C1orf159: variants seen among roughly 807,000 people sequenced by gnomAD.
C1orf159 encodes the protein uncharacterized protein C1orf159.
C1orf159 carries 19 observed loss-of-function variants against 25.6 expected under a neutral mutation model. That is an observed-to-expected ratio of 0.74 (90% CI 0.52 to 1.09). The LOEUF is 1.09. C1orf159 is among the 50% of genes least tolerant of loss of function. The pLI, the probability that C1orf159 is intolerant of heterozygous loss-of-function variation, is 0.00. For synonymous variants in C1orf159, 139 were observed against 124.7 expected (o/e 1.12, Z -0.77); for missense variants, 274 against 290.6 (o/e 0.94, Z 0.42).
Position 1,082,631 on chromosome 1 carries a change from C to G in C1orf159, c.*262G>C, listed in dbSNP as rs1024500453. ...TGTTTCCTGGGGGGGCCCGGACCCC[C>G]CAAGGCCTCGATCTGAAGCTCTGAG... On this transcript the variant is annotated 3_prime_UTR_variant, in exon 10 of 10. Transcript: ENST00000421241. 2.1e-5 allele frequency: 11 copies of G among 517,502 alleles called. No homozygotes were observed. The Admixed American group carries it at 2.7e-4, about 13-fold the overall frequency. 32.1% of individuals were successfully genotyped at this position (517,502 alleles called of 1,614,324 possible). A position where few individuals can be genotyped will look rare whatever the true frequency, so the allele number is the denominator to read the frequency against.
rs1407745972 is a variant in C1orf159 at position 1,089,522 on chromosome 1, C to A, written c.148+831G>T. Among the ~76,000 whole-genome samples the A allele has an allele frequency of 2.0e-5, 3 of 152,140 alleles. No individual in the cohort carries two copies. Among genetic ancestry groups the A allele is most frequent in the Non-Finnish European group, 4.4e-5 (3 of 68,002 alleles). On this transcript the variant is annotated intron_variant, in intron 4 of 9. Transcript: ENST00000421241. This position sits in a 1 kb window ranked among gnomAD's most constrained non-coding sequence, Gnocchi z 7.5. ...GTCATCACTGCCTTCCTGTGGGCTC[C>A]CCAACCCCCACGCCCAGCCTCGGAC...
At chr1:1,108,646 A>G (rs1441229216) in intron 1 of C1orf159, among the ~76,000 whole-genome samples, 11 of 98,680 alleles carry the variant, frequency 1.1e-4, no homozygotes, top group African/African-American at 4.3e-4. Flanking sequence ...CGTCCACCAC[A>G]GCCACCATGT....
Position 1,091,024 on chromosome 1 carries a change from G to A in C1orf159, c.72+448C>T, listed in dbSNP as rs143405715. 392 of 1,466,496 alleles carry A rather than the reference G, an allele frequency of 2.7e-4. 2 individuals are homozygous for A. Among genetic ancestry groups the A allele is most frequent in the African/African-American group, 2.1e-3 (151 of 71,548 alleles). The allele number at this position is 1,466,496 out of a possible 1,614,324, so 90.8% of individuals were successfully genotyped here. ...GGTGAGGGCGTCCAGGGGTGACTGC[G>A]GAGTGCGGGATAGAATCCACACCGC... On this transcript the variant is annotated intron_variant, in intron 3 of 9. Coordinates refer to ENST00000421241, the MANE Select transcript of C1orf159 (RefSeq NM_017891.5).
intron 9 of C1orf159, chr1:1,083,632 TAGTC>T: frequency 2.1e-6 from 1 of 475,984 alleles, no homozygotes; most frequent in East Asian, 4.0e-5. Flanking sequence ...AACTCTAGGA[TAGTC>T]AGATTAAAGG....
chr1:1,112,771 A>G (rs1298215402), intron 1 of C1orf159, among the ~76,000 whole-genome samples: 1 of 152,276 alleles, frequency 6.6e-6, no homozygotes, highest in Non-Finnish European at 1.5e-5. Flanking sequence ...CTGCCAGGCT[A>G]TAAAACCCCA....
At chr1:1,102,625 A>T (rs978378228) in intron 1 of C1orf159, among the ~76,000 whole-genome samples, 20 of 138,404 alleles carry the variant, frequency 1.4e-4, no homozygotes, top group South Asian at 1.2e-3. Context: ...AAAAAAAAAA[A>T]AAAAAAAAAA....
At position 1,116,051 on chromosome 1, in the gene C1orf159, C is replaced by T. The variant is rs937777704; in HGVS notation, c.-136+9G>A. 1 of 152,222 alleles carries T rather than the reference C, an allele frequency of 6.6e-6. No homozygotes were observed. The highest frequency in any genetic ancestry group is 6.5e-5 in the Admixed American group (1 of 15,278). The allele number at this position is 152,222 out of a possible 1,614,324, so 9.4% of individuals were successfully genotyped here. ...CTACCCTCACGCCTGCCCCCAGCCC[C>T]TCACTCACCCCGGCGCCCTCCGGGT... On this transcript the variant is annotated intron_variant, in intron 1 of 9. Transcript: ENST00000421241. This position sits in a 1 kb window ranked among gnomAD's most constrained non-coding sequence, Gnocchi z 4.8.
intron 1 of C1orf159, among the ~76,000 whole-genome samples, chr1:1,111,872 A>G (rs1033473406): frequency 1.3e-5 from 2 of 152,230 alleles, no homozygotes; most frequent in Admixed American, 6.5e-5. Context: ...TAAGGGCCCA[A>G]TAAGAACTGT....
chr1:1,090,695 G>C (rs947531055), intron 3 of C1orf159: 3 of 709,480 alleles, frequency 4.2e-6, no homozygotes, highest in Non-Finnish European at 7.3e-6. Context: ...ACCCCCAGGA[G>C]GCGGCACCCG....
In C1orf159 at chr1:1,084,397, G is replaced by C; in HGVS notation, c.472-14C>G. The C allele has an allele frequency of 6.3e-7, 1 of 1,580,766 alleles. No homozygotes were observed. The highest frequency in any genetic ancestry group is 8.6e-7 in the Non-Finnish European group (1 of 1,163,012). On this transcript the variant is annotated splice_polypyrimidine_tract_variant and intron_variant, in intron 8 of 9. Transcript: ENST00000421241. ...GATCATTGCAGCCTTGAAAAGGAGA[G>C]AAAGGCAGAGTGAGGACTCGGGATG... is the stretch of plus-strand genomic sequence containing the variant.
At chr1:1,105,595 G>C (rs1420929364) in intron 1 of C1orf159, among the ~76,000 whole-genome samples, 1 of 152,128 alleles carries the variant, frequency 6.6e-6, no homozygotes, top group Non-Finnish European at 1.5e-5. Flanking sequence ...AAAATAATAA[G>C]TGTGGACCAC....
Position 1,083,197 on chromosome 1 carries a change from C to T in C1orf159, c.503-210G>A, listed in dbSNP as rs1005032996. On this transcript the variant is annotated intron_variant, in intron 9 of 9. Transcript: ENST00000421241. ...GGGAAAGGGACGGCTTCCTCCTGCCCGGCTGTGTCCTCTCATTTACACCCT... is the reference window on the plus strand; with the variant it reads ...GGGAAAGGGACGGCTTCCTCCTGCCTGGCTGTGTCCTCTCATTTACACCCT... 2.0e-4 allele frequency: 108 copies of T among 538,260 alleles called. 1 individual carries two copies. Among genetic ancestry groups the T allele is most frequent in the Admixed American group, 7.1e-5 (2 of 28,360 alleles). 33.3% of individuals were successfully genotyped at this position (538,260 alleles called of 1,614,324 possible).
chr1:1,115,505 T>TGCCCCGAGAACCCCCTCCCC (rs1646323711), intron 1 of C1orf159, among the ~76,000 whole-genome samples: 2 of 5,134 alleles, frequency 3.9e-4, no homozygotes, highest in African/African-American at 8.6e-4. Context: ...ACCCCCTCCC[T>TGCCCCGAGAACCCCCTCCCC]GCCCCGAGAA....
intron 3 of C1orf159, 47 bp downstream of exon 3, chr1:1,091,425 C>T: frequency 6.6e-7 from 1 of 1,510,442 alleles, no homozygotes; most frequent in Non-Finnish European, 9.0e-7. Flanking sequence ...CCGCCCTCCA[C>T]AGAGGCTCTG....
intron 3 of C1orf159, chr1:1,090,789 G>C: frequency 8.8e-7 from 1 of 1,139,228 alleles, no homozygotes; most frequent in South Asian, 1.3e-5. Context: ...CACAGAGGAA[G>C]TGCCCGGGCC....
intron 1 of C1orf159, among the ~76,000 whole-genome samples, chr1:1,111,095 A>G (rs1394004943): frequency 7.9e-5 from 12 of 152,266 alleles, no homozygotes; most frequent in Non-Finnish European, 2.9e-5. Flanking sequence ...AACTAAACAC[A>G]TGCATTTTCT....
chr1:1,113,855 C>A (rs1469600305), intron 1 of C1orf159, among the ~76,000 whole-genome samples: 2 of 151,802 alleles, frequency 1.3e-5, no homozygotes, highest in Admixed American at 1.3e-4. Flanking sequence ...CGGCTGCGGG[C>A]ACTTGGGAGG....
At chr1:1,083,677 C>T (rs1645780528) in intron 9 of C1orf159, 4 of 563,954 alleles carry the variant, frequency 7.1e-6, no homozygotes, top group South Asian at 6.3e-5. Context: ...CCCCGGGGCA[C>T]TCGGGCACCG....
chr1:1,104,699 G>A (rs563393317), intron 1 of C1orf159, among the ~76,000 whole-genome samples: 1 of 152,250 alleles, frequency 6.6e-6, no homozygotes, highest in Non-Finnish European at 1.5e-5. Context: ...GGAGGCTGAT[G>A]CAAGAGGACT....
Sources: gnomAD v4.1 joint callset for allele counts (sites outside exome capture counted in the v4.1 genomes callset) on GRCh38, gnomAD v4.1.1 for gene constraint, Gnocchi (gnomAD v3.1) non-coding constraint, MANE v1.5 for transcripts, NCBI Gene and HGNC (gene_info 2026-07-23, HGNC 2026-07-21) for gene names.